DCDC1: variants seen among roughly 807,000 people sequenced by gnomAD.
The protein encoded by DCDC1 is doublecortin domain-containing protein 1.
Under a neutral mutation model 178.3 loss-of-function variants are expected in DCDC1, and 200 were observed. The ratio of observed to expected loss-of-function variants is 1.12; its 90% confidence interval spans 1.00 to 1.26. DCDC1 has a LOEUF of 1.26. Ranked by LOEUF, DCDC1 falls within the 50% of genes most tolerant of loss-of-function variation. The probability of loss-of-function intolerance (pLI) is 0.00; values close to 1 mark genes in which losing one functional copy is unlikely to be tolerated. For missense variants in DCDC1, 1,983 were observed against 1,749.2 expected, an observed-to-expected ratio of 1.13 and a Z score of -2.38; for synonymous variants, 690 against 604.8, an observed-to-expected ratio of 1.14 and a Z score of -2.07.
intron 20 of DCDC1, among the ~76,000 whole-genome samples, chr11:31,034,021 G>A (rs1344811876): frequency 6.6e-6 from 1 of 151,530 alleles, no homozygotes; most frequent in Admixed American, 6.6e-5. Flanking sequence ...GTGCACACCT[G>A]TAATCCCAGC....
chr11:31,115,988 G>T (rs983392498), intron 11 of DCDC1, among the ~76,000 whole-genome samples: 1 of 134,616 alleles, frequency 7.4e-6, no homozygotes, highest in Non-Finnish European at 1.7e-5. Flanking sequence ...CAGTGGGGGG[G>T]GGGGGGATGG....
At chr11:30,915,792 G>A (rs1945789460) in intron 26 of DCDC1, 81 bp from the exon 27 acceptor site, 1 of 1,446,556 alleles carries the variant, frequency 6.9e-7, no homozygotes, top group South Asian at 1.2e-5. Context: ...GAGATTATAA[G>A]TTCTGTTGGT....
intron 20 of DCDC1, among the ~76,000 whole-genome samples, chr11:30,997,908 G>C (rs147185014): frequency 1.7e-3 from 259 of 152,044 alleles, no homozygotes; most frequent in African/African-American, 6.1e-3. Flanking sequence ...TAAGACTTCT[G>C]AACAAAATAG....
intron 20 of DCDC1, among the ~76,000 whole-genome samples, chr11:31,058,726 T>C (rs577998698): frequency 6.6e-6 from 1 of 152,254 alleles, no homozygotes; most frequent in Admixed American, 6.5e-5. Flanking sequence ...AAAAGGATCA[T>C]TCTGGCCCTT....
At chr11:30,941,080 T>A (rs1947611448) in intron 21 of DCDC1, among the ~76,000 whole-genome samples, 1 of 152,208 alleles carries the variant, frequency 6.6e-6, no homozygotes, top group Non-Finnish European at 1.5e-5. Context: ...ATCAGTTAAA[T>A]GTGCTTGCAT....
intron 20 of DCDC1, among the ~76,000 whole-genome samples, chr11:31,007,574 C>G (rs1951922142): frequency 6.6e-6 from 1 of 150,772 alleles, no homozygotes; most frequent in Non-Finnish European, 1.5e-5. Flanking sequence ...GAAAATGTCA[C>G]TGAGAGGCTT....
intron 24 of DCDC1, 92 bp from the exon 25 acceptor site, chr11:30,921,027 A>G: frequency 4.5e-6 from 6 of 1,343,190 alleles, no homozygotes; most frequent in South Asian, 1.5e-5. Context: ...CAAATGCAAA[A>G]TAATTCCATC....
intron 7 of DCDC1, among the ~76,000 whole-genome samples, chr11:31,276,878 A>G (rs1209446040): frequency 6.6e-6 from 1 of 152,086 alleles, no homozygotes; most frequent in African/African-American, 2.4e-5. Flanking sequence ...TTAGAATGTG[A>G]ATGAGAAGTA....
intron 15 of DCDC1, among the ~76,000 whole-genome samples, chr11:31,099,243 C>T (rs1958343874): frequency 6.6e-6 from 1 of 152,194 alleles, no homozygotes; most frequent in Non-Finnish European, 1.5e-5. Context: ...CTAGATATTG[C>T]ATCAGAGACA....
At chr11:31,306,481 G>A in intron 4 of DCDC1, 93 bp from the exon 5 acceptor site, 1 of 1,327,830 alleles carries the variant, frequency 7.5e-7, no homozygotes, top group Non-Finnish European at 9.9e-7. Context: ...ACAGATATAA[G>A]CACTAAAGAT....
At chr11:31,252,088 A>T (rs1944077977) in intron 8 of DCDC1, among the ~76,000 whole-genome samples, 1 of 152,220 alleles carries the variant, frequency 6.6e-6, no homozygotes, top group Admixed American at 6.5e-5. Context: ...GTTAGAGATA[A>T]GTGAGCTTGC....
In DCDC1 at chr11:31,306,174, T is replaced by A. The variant is rs933286147; in HGVS notation, c.591+58A>T. 1.8e-5 allele frequency: 25 copies of A among 1,363,292 alleles called. No homozygotes were observed. The African/African-American group carries it at 3.8e-4, about 21-fold the overall frequency. The allele number at this position is 1,363,292 out of a possible 1,614,324, so 84.4% of individuals were successfully genotyped here. A position where few individuals can be genotyped will look rare whatever the true frequency, so the allele number is the denominator to read the frequency against. On this transcript the variant is annotated intron_variant, in intron 5 of 38. Transcript: ENST00000684477. Reference sequence around the variant, plus strand: ...AACAATAATTTTCTCATTTTTTATATTATAAAGAGAGTAAGGGAAAAAAAA... The same window carrying A: ...AACAATAATTTTCTCATTTTTTATAATATAAAGAGAGTAAGGGAAAAAAAA...
At chr11:31,262,160 G>C (rs145938002) in intron 8 of DCDC1, among the ~76,000 whole-genome samples, 3,128 of 152,098 alleles carry the variant, frequency 0.021, 95 homozygotes, top group African/African-American at 0.07. Flanking sequence ...CCAGCTACTG[G>C]AGAGGCTGAG....
chr11:31,101,091 G>A (rs1427233709), intron 15 of DCDC1, among the ~76,000 whole-genome samples: 1 of 152,102 alleles, frequency 6.6e-6, no homozygotes, highest in African/African-American at 2.4e-5. Flanking sequence ...ACTGAATGGG[G>A]AGCATAAAGA....
In DCDC1 at chr11:31,020,179, A is replaced by G. The variant is rs560112847; in HGVS notation, c.2591+44290T>C. ...GATAAGTATTGTCAGTTGAATAAATAAAAGATCAAAATATGAGAAATTAAA... is the reference window on the plus strand; with the variant it reads ...GATAAGTATTGTCAGTTGAATAAATGAAAGATCAAAATATGAGAAATTAAA... On this transcript the variant is annotated intron_variant, in intron 20 of 38. Coordinates refer to ENST00000684477, the MANE Select transcript of DCDC1 (RefSeq NM_001387274.1). Among the ~76,000 whole-genome samples, 10 of 152,326 alleles carry G rather than the reference A, an allele frequency of 6.6e-5. No individual in the cohort carries two copies. The South Asian group carries it at 1.4e-3, about 22-fold the overall frequency.
chr11:31,089,094 A>G lies in DCDC1; in HGVS notation c.2237+2299T>C, dbSNP rs375580937. ...TACTTCTGTCTGAAGGACTTCCTCTAACATTGCTTGTCATGAAGATCTGCT... is the reference window on the plus strand; with the variant it reads ...TACTTCTGTCTGAAGGACTTCCTCTGACATTGCTTGTCATGAAGATCTGCT... On this transcript the variant is annotated intron_variant, in intron 17 of 38. Coordinates refer to ENST00000684477, the MANE Select transcript of DCDC1 (RefSeq NM_001387274.1). Among the ~76,000 whole-genome samples, 9 of 152,118 alleles carry G rather than the reference A, an allele frequency of 5.9e-5. No homozygotes were observed. The East Asian group carries it at 9.6e-4, about 16-fold the overall frequency.
intron 15 of DCDC1, among the ~76,000 whole-genome samples, chr11:31,098,176 C>T (rs1233663738): frequency 6.6e-6 from 1 of 152,132 alleles, no homozygotes; most frequent in African/African-American, 2.4e-5. Context: ...TTCCCATAAC[C>T]AGGCATTCCT....
chr11:30,954,051 G>A (rs191926533), intron 20 of DCDC1, among the ~76,000 whole-genome samples: 6 of 115,384 alleles, frequency 5.2e-5, no homozygotes, highest in Admixed American at 1.2e-4. Context: ...TCGCTCTGTC[G>A]CCCAGGCTGG....
chr11:31,329,399 T>A (rs932563945), intron 2 of DCDC1, among the ~76,000 whole-genome samples: 1 of 152,194 alleles, frequency 6.6e-6, no homozygotes, highest in Non-Finnish European at 1.5e-5. Flanking sequence ...TTTCCATTTT[T>A]TTTTATTACT....
Sources: allele counts gnomAD v4.1 joint callset (sites outside exome capture counted in the v4.1 genomes callset), GRCh38; gene constraint gnomAD v4.1.1; transcripts MANE v1.5; gene names NCBI Gene and HGNC (gene_info 2026-07-23, HGNC 2026-07-21).